The following CFTR variants were observed in gnomAD, a reference collection of about 807,000 sequenced individuals.
CFTR encodes the protein cystic fibrosis transmembrane conductance regulator.
Under a neutral mutation model 171.6 loss-of-function variants are expected in CFTR, and 181 were observed. The ratio of observed to expected loss-of-function variants is 1.05; its 90% CI spans 0.93 to 1.19. The LOEUF (loss-of-function observed/expected upper bound fraction) is 1.19, where lower values mean the gene tolerates loss of function less well. CFTR is among the 50% of genes most tolerant of loss of function. The probability of loss-of-function intolerance (pLI) is 0.00; values close to 1 mark genes in which losing one functional copy is unlikely to be tolerated. For missense variants in CFTR, 1,968 were observed against 1,734.7 expected (o/e 1.13, Z -2.39); for synonymous variants, 583 against 608.0 (o/e 0.96, Z 0.60).
At chr7:117,577,171 T>G (rs1791784601) in intron 11 of CFTR, among the ~76,000 whole-genome samples, 1 of 152,164 alleles carries the variant, frequency 6.6e-6, no homozygotes, top group Non-Finnish European at 1.5e-5. Context: ...AAACACAAAG[T>G]GATGGAAGTC....
chr7:117,632,689 A>G (rs1280301815), intron 22 of CFTR, among the ~76,000 whole-genome samples: 1 of 152,186 alleles, frequency 6.6e-6, no homozygotes, highest in Non-Finnish European at 1.5e-5. Flanking sequence ...ATAAGAAGCT[A>G]TGTAGAACAC....
At chr7:117,606,857 G>T in intron 18 of CFTR, 104 bp downstream of exon 18, 1 of 781,280 alleles carries the variant, frequency 1.3e-6, no homozygotes, top group Non-Finnish European at 2.3e-6. Context: ...GAGGGTTGAA[G>T]TCCTGTCTAT....
At chr7:117,545,833 C>G (rs1426319085) in intron 9 of CFTR, among the ~76,000 whole-genome samples, 1 of 149,070 alleles carries the variant, frequency 6.7e-6, no homozygotes, top group African/African-American at 2.5e-5. Context: ...ATTTTTTTTT[C>G]TTTAAGAGAT....
intron 21 of CFTR, among the ~76,000 whole-genome samples, chr7:117,618,994 A>C (rs1179274876): frequency 6.6e-6 from 1 of 152,216 alleles, no homozygotes; most frequent in Non-Finnish European, 1.5e-5. Flanking sequence ...TCTTTATTTT[A>C]ACATAAATTG....
At chr7:117,627,076 C>G (rs2116127664) in intron 21 of CFTR, among the ~76,000 whole-genome samples, 1 of 152,172 alleles carries the variant, frequency 6.6e-6, no homozygotes, top group African/African-American at 2.4e-5. Context: ...GTTCACTTAA[C>G]CACCTGGTTG....
intron 23 of CFTR, among the ~76,000 whole-genome samples, chr7:117,644,431 G>A (rs1171632773): frequency 6.6e-6 from 1 of 150,808 alleles, no homozygotes; most frequent in African/African-American, 2.5e-5. Flanking sequence ...AAAAAAAAAA[G>A]GAAGAAGGAA....
intron 26 of CFTR, 102 bp downstream of exon 26, chr7:117,665,666 T>A: frequency 1.3e-6 from 1 of 797,798 alleles, no homozygotes; most frequent in Non-Finnish European, 2.2e-6. Context: ...GTACAAGTTC[T>A]TTTCAAAAAT....
chr7:117,526,170 C>A (rs992297048), intron 3 of CFTR, among the ~76,000 whole-genome samples: 2 of 151,888 alleles, frequency 1.3e-5, no homozygotes, highest in African/African-American at 4.8e-5. Context: ...ATCTCTCAGA[C>A]CACAGTGCAA....
intron 6 of CFTR, 57 bp downstream of exon 6, chr7:117,535,468 A>C: frequency 6.5e-7 from 1 of 1,530,060 alleles, no homozygotes. Flanking sequence ...CAAAAAGCCC[A>C]CTTTAGTAAA....
intron 1 of CFTR, among the ~76,000 whole-genome samples, chr7:117,492,920 A>AT (rs999509748): frequency 9.1e-4 from 136 of 149,326 alleles, no homozygotes; most frequent in African/African-American, 1.2e-3. Context: ...GGAAGTTACC[A>AT]TTTTTTTTTT....
chr7:117,614,347 T>C, intron 20 of CFTR, among the ~76,000 whole-genome samples: 1 of 152,078 alleles, frequency 6.6e-6, no homozygotes, highest in African/African-American at 2.4e-5. Flanking sequence ...ACACCTCCAA[T>C]ACCAGTAACA....
chr7:117,597,908 A>G (rs1284840481), intron 15 of CFTR, among the ~76,000 whole-genome samples: 3 of 152,074 alleles, frequency 2.0e-5, no homozygotes, highest in African/African-American at 7.2e-5. Flanking sequence ...GAAGCAGTGG[A>G]TGAGGCTTTT....
At chr7:117,489,357 T>C (rs1008313734) in intron 1 of CFTR, among the ~76,000 whole-genome samples, 3 of 152,226 alleles carry the variant, frequency 2.0e-5, no homozygotes, top group African/African-American at 4.8e-5. Context: ...GTATGTAATA[T>C]TGTTAATTTC....
At chr7:117,585,150 C>T (rs1791910937) in intron 11 of CFTR, among the ~76,000 whole-genome samples, 1 of 151,914 alleles carries the variant, frequency 6.6e-6, no homozygotes, top group African/African-American at 2.4e-5. Context: ...TCTACTTCTA[C>T]TTCTGACAAT....
At chr7:117,641,267 T>C (rs1156431493) in intron 22 of CFTR, among the ~76,000 whole-genome samples, 4 of 152,194 alleles carry the variant, frequency 2.6e-5, no homozygotes, top group Non-Finnish European at 1.5e-5. Flanking sequence ...TTATGTACTC[T>C]AAAACATTTA....
intron 23 of CFTR, 68 bp downstream of exon 23, chr7:117,642,661 T>C (rs1358605559): frequency 6.6e-7 from 1 of 1,507,248 alleles, no homozygotes; most frequent in Admixed American, 1.8e-5. Context: ...TTGATACTTG[T>C]ACTCAAGAAA....
intron 20 of CFTR, among the ~76,000 whole-genome samples, chr7:117,613,699 T>A (rs1792439116): frequency 6.6e-6 from 1 of 152,162 alleles, no homozygotes; most frequent in African/African-American, 2.4e-5. Flanking sequence ...AGATATATGC[T>A]GTGTATATTA....
intron 13 of CFTR, among the ~76,000 whole-genome samples, chr7:117,590,834 T>C (rs1424412589): frequency 2.0e-5 from 3 of 152,058 alleles, no homozygotes; most frequent in Non-Finnish European, 4.4e-5. Flanking sequence ...AGAAAATATA[T>C]ATGCTAAGTG....
At chr7:117,608,721 C>G (rs1374299925) in intron 18 of CFTR, among the ~76,000 whole-genome samples, 1 of 152,056 alleles carries the variant, frequency 6.6e-6, no homozygotes, top group African/African-American at 2.4e-5. Context: ...GTGAGCTCCT[C>G]TGGTTATACT....
Sources: gnomAD v4.1 joint callset for allele counts (sites outside exome capture counted in the v4.1 genomes callset) on GRCh38, gnomAD v4.1.1 for gene constraint, MANE v1.5 for transcripts, NCBI Gene and HGNC (gene_info 2026-07-23, HGNC 2026-07-21) for gene names.